The following DPP6 variants were observed in gnomAD, a reference collection of about 807,000 sequenced individuals.
DPP6 encodes the protein dipeptidyl peptidase like 6.
In DPP6, 69 loss-of-function variants were observed where a neutral mutation model predicts 122.6. The observed-to-expected ratio is 0.56, with a 90% CI of 0.46 to 0.69. DPP6 has a LOEUF of 0.69. Among genes scored for constraint, DPP6 ranks in the 30% least tolerant of loss-of-function variants. DPP6 has a pLI of 0.00. For missense variants in DPP6, 928 were observed against 1,116.9 expected, an observed-to-expected ratio of 0.83 and a Z score of 2.41; for synonymous variants, 418 against 433.1, an observed-to-expected ratio of 0.97 and a Z score of 0.43.
intron 1 of DPP6, among the ~76,000 whole-genome samples, chr7:154,343,675 G>A (rs1326757521): frequency 6.6e-6 from 1 of 152,212 alleles, no homozygotes; most frequent in African/African-American, 2.4e-5. Flanking sequence ...CTGCCTCCTG[G>A]GTTCAGGCGA....
At chr7:154,722,441 T>C (rs1841866582) in intron 7 of DPP6, among the ~76,000 whole-genome samples, 1 of 152,250 alleles carries the variant, frequency 6.6e-6, no homozygotes. Context: ...GGGACCTCAA[T>C]GACTTCTGCA....
In DPP6 at chr7:154,660,477, A is replaced by G. The variant is rs1050626073; in HGVS notation, c.681-8883A>G. On this transcript the variant is annotated intron_variant, in intron 6 of 25. Transcript: ENST00000377770. ...GTTCATGCAGTCATGATGAATCACCATGGCATATTGGCCGTAGTGTTCATA... is the reference window on the plus strand; with the variant it reads ...GTTCATGCAGTCATGATGAATCACCGTGGCATATTGGCCGTAGTGTTCATA... 2.0e-5 allele frequency among the ~76,000 whole-genome samples: 3 copies of G among 149,228 alleles called. 1 individual carries two copies. The highest frequency in any genetic ancestry group is 7.7e-5 in the African/African-American group (3 of 39,090).
intron 1 of DPP6, among the ~76,000 whole-genome samples, chr7:153,943,144 A>G (rs1801776630): frequency 6.6e-6 from 1 of 152,206 alleles, no homozygotes; most frequent in Non-Finnish European, 1.5e-5. Context: ...GTGTTTAAAA[A>G]GGACCCAGAG....
At chr7:154,400,507 T>C (rs1815479812) in intron 1 of DPP6, among the ~76,000 whole-genome samples, 1 of 152,194 alleles carries the variant, frequency 6.6e-6, no homozygotes, top group East Asian at 1.9e-4. Context: ...ACTGGGGCCA[T>C]TTTAGCGGCT....
At chr7:154,074,141 C>A (rs56089731) in intron 1 of DPP6, among the ~76,000 whole-genome samples, 197 of 21,244 alleles carry the variant, frequency 9.3e-3, no homozygotes, top group Admixed American at 0.017. Context: ...ATATATCTCT[C>A]TATATATGTA....
At chr7:153,822,314 C>A in the DPP6 span, among the ~76,000 whole-genome samples, 2 of 151,542 alleles carry the variant, frequency 1.3e-5, no homozygotes, top group Non-Finnish European at 2.9e-5. Flanking sequence ...TTCAGCCTCC[C>A]GAGTAGCTGG....
At chr7:154,091,597 T>G (rs904191141) in intron 1 of DPP6, among the ~76,000 whole-genome samples, 1 of 151,944 alleles carries the variant, frequency 6.6e-6, no homozygotes, top group Non-Finnish European at 1.5e-5. Flanking sequence ...GTTTTTTGCT[T>G]GAGGGACAGA....
intron 1 of DPP6, among the ~76,000 whole-genome samples, chr7:154,065,191 C>T (rs1802608044): frequency 6.6e-6 from 1 of 152,074 alleles, no homozygotes; most frequent in South Asian, 2.1e-4. Flanking sequence ...GCTGGAAGGA[C>T]AGACATCACT....
intron 1 of DPP6, among the ~76,000 whole-genome samples, chr7:154,045,631 G>A (rs1173876960): frequency 6.6e-6 from 1 of 152,184 alleles, no homozygotes; most frequent in Non-Finnish European, 1.5e-5. Flanking sequence ...ATAAATCACA[G>A]CTTTATTGTG....
intron 16 of DPP6, among the ~76,000 whole-genome samples, chr7:154,809,832 G>A (rs1467983875): frequency 1.3e-5 from 2 of 152,176 alleles, no homozygotes; most frequent in Admixed American, 6.5e-5. Flanking sequence ...GCTCCACATG[G>A]TGACCCTCCC....
At chr7:154,889,432 C>CTTTTTT in intron 24 of DPP6, 25 bp from the exon 25 acceptor site, 6 of 1,494,270 alleles carry the variant, frequency 4.0e-6, no homozygotes, top group East Asian at 4.9e-5. Context: ...GTCTTCCTCT[C>CTTTTTT]TTTTTTTTTT....
chr7:154,088,320 CG>C (rs1340976567), intron 1 of DPP6, among the ~76,000 whole-genome samples: 4 of 143,600 alleles, frequency 2.8e-5, no homozygotes, highest in Non-Finnish European at 6.0e-5. Context: ...ACACCAACCA[CG>C]ATGCCTGCCG....
At chr7:153,862,285 T>G in the DPP6 span, among the ~76,000 whole-genome samples, 1 of 152,250 alleles carries the variant, frequency 6.6e-6, no homozygotes, top group Non-Finnish European at 1.5e-5. Context: ...TACCTCCTAC[T>G]GTGCTACCAA....
rs1028365511 is a variant in DPP6 at position 154,580,566 on chromosome 7, G to C, written c.627+13650G>C. Among the ~76,000 whole-genome samples the C allele has an allele frequency of 2.3e-4, 35 of 152,160 alleles. 1 individual carries two copies. The highest frequency in any genetic ancestry group is 8.4e-4 in the African/African-American group (35 of 41,436). ...GGTCCAAGGGAGTCAGTCTGCCCCC[G>C]TGAGTCTTCATGTGGTGTAGATGAT... On this transcript the variant is annotated intron_variant, in intron 5 of 25. Coordinates refer to ENST00000377770, the MANE Select transcript of DPP6 (RefSeq NM_130797.4).
chr7:154,430,702 C>T (rs572242587), intron 1 of DPP6, among the ~76,000 whole-genome samples: 50 of 152,270 alleles, frequency 3.3e-4, no homozygotes, highest in African/African-American at 1.0e-3. Context: ...TGATAGCCAC[C>T]GTGTGTTGAC....
At chr7:154,766,338 G>T (rs915694441) in intron 8 of DPP6, among the ~76,000 whole-genome samples, 1 of 152,014 alleles carries the variant, frequency 6.6e-6, no homozygotes, top group African/African-American at 2.4e-5. Context: ...ATTTTTTTGA[G>T]ACCTAGTCTC....
At chr7:154,207,180 C>G (rs1320831629) in intron 1 of DPP6, among the ~76,000 whole-genome samples, 1 of 152,194 alleles carries the variant, frequency 6.6e-6, no homozygotes, top group Non-Finnish European at 1.5e-5. Flanking sequence ...GTTCTAATGA[C>G]TGTCTGGTGC....
intron 16 of DPP6, among the ~76,000 whole-genome samples, chr7:154,818,883 T>C (rs1799586009): frequency 6.6e-6 from 1 of 152,202 alleles, no homozygotes; most frequent in Non-Finnish European, 1.5e-5. Context: ...GTAAGTGACA[T>C]GAATACTCTG....
intron 16 of DPP6, among the ~76,000 whole-genome samples, chr7:154,816,107 C>T (rs1525756): frequency 0.61 from 93,057 of 151,966 alleles, 31,636 homozygotes; most frequent in Non-Finnish European, 0.77. Context: ...CCTACAGCTT[C>T]GCGACCTTGG....
Sources: gnomAD v4.1 joint callset for allele counts (sites outside exome capture counted in the v4.1 genomes callset) on GRCh38, gnomAD v4.1.1 for gene constraint, MANE v1.5 for transcripts, NCBI Gene and HGNC (gene_info 2026-07-23, HGNC 2026-07-21) for gene names.